The following BBS9 variants were observed in gnomAD, a reference collection of about 807,000 sequenced individuals.
BBS9 encodes Bardet-Biedl syndrome 9.
Under a neutral mutation model 117.7 loss-of-function variants are expected in BBS9, and 89 were observed. The observed-to-expected ratio is 0.76, with a 90% CI of 0.64 to 0.90. BBS9 has a LOEUF of 0.90. Ranked by LOEUF, BBS9 falls within the 40% of genes least tolerant of loss-of-function variation. The probability of loss-of-function intolerance (pLI) is 0.00; values close to 1 mark genes in which losing one functional copy is unlikely to be tolerated. For missense variants in BBS9, 982 were observed against 1,042.2 expected, an observed-to-expected ratio of 0.94 and a Z score of 0.80; for synonymous variants, 379 against 370.9, an observed-to-expected ratio of 1.02 and a Z score of -0.25.
At chr7:33,538,148 T>G (rs149970449) in intron 21 of BBS9, among the ~76,000 whole-genome samples, 1,690 of 152,284 alleles carry the variant, frequency 0.011, 15 homozygotes, top group Non-Finnish European at 0.017. Flanking sequence ...TCACATGTCA[T>G]AATGGGCCGT....
intron 9 of BBS9, among the ~76,000 whole-genome samples, chr7:33,290,408 G>A (rs180892309): frequency 7.1e-4 from 108 of 152,260 alleles, no homozygotes; most frequent in Non-Finnish European, 1.2e-3. Context: ...GGGAATAATG[G>A]AGGGATGCAG....
intron 4 of BBS9, among the ~76,000 whole-genome samples, chr7:33,173,154 C>A (rs951036157): frequency 2.0e-5 from 3 of 152,184 alleles, no homozygotes; most frequent in African/African-American, 7.2e-5. Flanking sequence ...ATCCTCTATG[C>A]CTGGACTCAG....
chr7:33,196,764 A>G (rs971785121), intron 5 of BBS9, among the ~76,000 whole-genome samples: 1 of 152,190 alleles, frequency 6.6e-6, no homozygotes, highest in African/African-American at 2.4e-5. Flanking sequence ...TCAAGGGGAT[A>G]ATAGGATTGA....
chr7:33,296,753 C>G (rs1482818738), intron 9 of BBS9, among the ~76,000 whole-genome samples: 1 of 152,086 alleles, frequency 6.6e-6, no homozygotes, highest in African/African-American at 2.4e-5. Context: ...GATTAAAGGC[C>G]CATGGCCCCT....
chr7:33,329,897 T>C (rs1813650976), intron 9 of BBS9, among the ~76,000 whole-genome samples: 1 of 152,194 alleles, frequency 6.6e-6, no homozygotes, highest in African/African-American at 2.4e-5. Context: ...TTATTGACTG[T>C]ATTATTTTTA....
intron 21 of BBS9, among the ~76,000 whole-genome samples, chr7:33,547,361 G>A (rs577044296): frequency 6.6e-6 from 1 of 152,268 alleles, no homozygotes; most frequent in Admixed American, 6.5e-5. Flanking sequence ...AAAGACGTTT[G>A]AAGTTCAGGT....
At chr7:33,525,807 A>T in intron 20 of BBS9, among the ~76,000 whole-genome samples, 2 of 136,106 alleles carry the variant, frequency 1.5e-5, no homozygotes, top group Non-Finnish European at 3.1e-5. Context: ...TTAGCTGGTG[A>T]TTTTGCTCGT....
intron 19 of BBS9, among the ~76,000 whole-genome samples, chr7:33,438,247 A>G (rs1276650368): frequency 2.6e-5 from 4 of 152,230 alleles, no homozygotes; most frequent in Non-Finnish European, 5.9e-5. Context: ...AAAAGGGAGA[A>G]GCTTATATTT....
intron 16 of BBS9, among the ~76,000 whole-genome samples, chr7:33,365,875 A>G (rs1821602377): frequency 6.6e-6 from 1 of 152,216 alleles, no homozygotes; most frequent in Non-Finnish European, 1.5e-5. Flanking sequence ...CTTGTCCTCT[A>G]TGGCAGGTGA....
chr7:33,190,220 C>T (rs138743041), intron 5 of BBS9, among the ~76,000 whole-genome samples: 3,934 of 150,758 alleles, frequency 0.026, 183 homozygotes, highest in African/African-American at 0.091. Flanking sequence ...CCCGGGTTCA[C>T]GCCATTCTCC....
chr7:33,279,929 C>G (rs1309161437), intron 9 of BBS9, among the ~76,000 whole-genome samples: 1 of 152,158 alleles, frequency 6.6e-6, no homozygotes, highest in African/African-American at 2.4e-5. Flanking sequence ...ATAAATATAT[C>G]TACAAGTGTG....
intron 14 of BBS9, among the ~76,000 whole-genome samples, chr7:33,351,716 G>C (rs1374028628): frequency 1.3e-5 from 2 of 152,126 alleles, no homozygotes; most frequent in African/African-American, 4.8e-5. Context: ...CGGACACAGT[G>C]AGTGAGGAGG....
intron 2 of BBS9, among the ~76,000 whole-genome samples, chr7:33,146,697 T>C (rs1263557437): frequency 1.5e-5 from 1 of 68,860 alleles, no homozygotes; most frequent in African/African-American, 6.5e-5. Context: ...AGGCTCCATC[T>C]CAAAAAAAAA....
rs186760057 is a variant in BBS9 at position 33,495,955 on chromosome 7, C to T, written c.2116-9508C>T. On this transcript the variant is annotated intron_variant, in intron 19 of 22. Transcript: ENST00000242067. ...CAGAAATAATTTGTTTTTCTAAAAC[C>T]GGTTTTATGTGAATTCTCAAGGCAT... Among the ~76,000 whole-genome samples, 436 of 152,004 alleles carry T rather than the reference C, an allele frequency of 2.9e-3. 5 individuals carry two copies. In the South Asian group the frequency reaches 0.035, roughly 12 times the overall value.
At chr7:33,294,966 G>A (rs1804951555) in intron 9 of BBS9, among the ~76,000 whole-genome samples, 1 of 152,020 alleles carries the variant, frequency 6.6e-6, no homozygotes, top group Non-Finnish European at 1.5e-5. Context: ...TAACTTAATA[G>A]GTTTACTGTT....
intron 19 of BBS9, among the ~76,000 whole-genome samples, chr7:33,501,997 G>A (rs186241407): frequency 4.6e-5 from 7 of 151,858 alleles, no homozygotes; most frequent in Non-Finnish European, 7.4e-5. Flanking sequence ...TGCAACCTCC[G>A]ACTCCCTGGT....
chr7:33,308,846 C>G (rs1211125940), intron 9 of BBS9, among the ~76,000 whole-genome samples: 2 of 152,120 alleles, frequency 1.3e-5, no homozygotes, highest in Non-Finnish European at 2.9e-5. Flanking sequence ...CACTTATGGC[C>G]TCTTAGGAGC....
At chr7:33,140,200 A>G (rs1791223155) in intron 1 of BBS9, among the ~76,000 whole-genome samples, 1 of 151,794 alleles carries the variant, frequency 6.6e-6, no homozygotes. Flanking sequence ...AATTTTTTGT[A>G]TTTTTAGTAG....
intron 5 of BBS9, among the ~76,000 whole-genome samples, chr7:33,210,275 T>C (rs998848778): frequency 4.6e-5 from 7 of 152,224 alleles, no homozygotes; most frequent in Non-Finnish European, 8.8e-5. Context: ...TTATTTCAAG[T>C]TTTTTGAATG....
Sources: allele counts gnomAD v4.1 joint callset (sites outside exome capture counted in the v4.1 genomes callset), GRCh38; gene constraint gnomAD v4.1.1; transcripts MANE v1.5; gene names NCBI Gene and HGNC (gene_info 2026-07-23, HGNC 2026-07-21).